The following PTPRN2 variants were observed in gnomAD, a reference collection of about 807,000 sequenced individuals.
The protein encoded by PTPRN2 is receptor-type tyrosine-protein phosphatase N2.
In PTPRN2, 74 loss-of-function variants were observed where a neutral mutation model predicts 118.8. The observed-to-expected ratio is 0.62, with a 90% CI of 0.52 to 0.76. The LOEUF is 0.76. Among genes scored for constraint, PTPRN2 ranks in the 30% least tolerant of loss-of-function variants. The probability of loss-of-function intolerance (pLI) is 0.00; values close to 1 mark genes in which losing one functional copy is unlikely to be tolerated. For synonymous variants in PTPRN2, 641 were observed against 608.0 expected, an observed-to-expected ratio of 1.05 and a Z score of -0.80; for missense variants, 1,481 against 1,394.4, an observed-to-expected ratio of 1.06 and a Z score of -0.99.
At chr7:158,263,957 C>G (rs1019711693) in intron 3 of PTPRN2, among the ~76,000 whole-genome samples, 7 of 152,234 alleles carry the variant, frequency 4.6e-5, no homozygotes, top group Non-Finnish European at 2.9e-5. Context: ...TGTGGGCCAG[C>G]TGACCAACTT....
chr7:158,215,902 T>C (rs1249182803), intron 3 of PTPRN2, among the ~76,000 whole-genome samples: 1 of 152,054 alleles, frequency 6.6e-6, no homozygotes, highest in African/African-American at 2.4e-5. Context: ...AAGAGAAATA[T>C]AAAAAAAGGA....
intron 12 of PTPRN2, among the ~76,000 whole-genome samples, chr7:157,718,886 G>T (rs1211586540): frequency 6.6e-6 from 1 of 152,146 alleles, no homozygotes; most frequent in Admixed American, 6.5e-5. Context: ...CCACCTTGTC[G>T]CTGTGGCCTC....
At chr7:158,162,875 C>A (rs1321391431) in intron 6 of PTPRN2, among the ~76,000 whole-genome samples, 1 of 152,216 alleles carries the variant, frequency 6.6e-6, no homozygotes, top group Non-Finnish European at 1.5e-5. Flanking sequence ...CTCCCACTCT[C>A]TGAAGACTAA....
intron 11 of PTPRN2, among the ~76,000 whole-genome samples, chr7:158,033,328 G>A (rs1807829032): frequency 6.6e-6 from 1 of 152,202 alleles, no homozygotes; most frequent in Non-Finnish European, 1.5e-5. Flanking sequence ...TGATTAGCTG[G>A]AATGATAAGT....
At chr7:157,592,126 G>T (rs1244111561) in intron 17 of PTPRN2, among the ~76,000 whole-genome samples, 1 of 152,140 alleles carries the variant, frequency 6.6e-6, no homozygotes, top group Non-Finnish European at 1.5e-5. Context: ...TTTAAAATTT[G>T]TCTCTACTTA....
intron 2 of PTPRN2, among the ~76,000 whole-genome samples, chr7:158,461,404 G>A (rs1360194507): frequency 6.6e-6 from 1 of 151,690 alleles, no homozygotes; most frequent in Non-Finnish European, 1.5e-5. Context: ...GCTGAGGCAG[G>A]AGAATGGCAT....
intron 11 of PTPRN2, among the ~76,000 whole-genome samples, chr7:158,048,580 A>T (rs1809052214): frequency 6.6e-6 from 1 of 150,794 alleles, no homozygotes; most frequent in African/African-American, 2.4e-5. Context: ...CATCATCATC[A>T]CTATCATCAT....
Position 157,977,941 on chromosome 7 carries a change from G to A in PTPRN2, c.1724-79204C>T, listed in dbSNP as rs940267413. Among the ~76,000 whole-genome samples, 5 of 151,824 alleles carry A rather than the reference G, an allele frequency of 3.3e-5. No individual in the cohort carries two copies. Among genetic ancestry groups the A allele is most frequent in the South Asian group, 2.1e-4 (1 of 4,820 alleles). On this transcript the variant is annotated intron_variant, in intron 11 of 22. Coordinates refer to ENST00000389418, the MANE Select transcript of PTPRN2 (RefSeq NM_002847.5). The surrounding 1 kb of genome is among the most constrained non-coding windows in gnomAD (Gnocchi z 4.6). ...CTGTGGGCCGGCAGGACTCACCGCC[G>A]CAGGCAGCAGGCTCAGGCACCTTTG...
rs371640959 is a variant in PTPRN2, at chr7:157,702,213, T to C, written c.1789-19276A>G. On this transcript the variant is annotated intron_variant, in intron 12 of 22. Coordinates refer to ENST00000389418, the MANE Select transcript of PTPRN2 (RefSeq NM_002847.5). ...CGGGTAGGTGCTGGTGTAACTGACG[T>C]GGGCTGTGCATTTATGAGAAAGCCT... Among the ~76,000 whole-genome samples, 100 of 139,524 alleles carry C rather than the reference T, an allele frequency of 7.2e-4. 1 individual carries two copies. Among genetic ancestry groups the C allele is most frequent in the Middle Eastern group, 4.5e-3 (1 of 222 alleles). 91.5% of individuals were successfully genotyped at this position (139,524 alleles called of 152,430 possible).
chr7:157,827,604 CAGGGAGTGGGCACTGCGTCCACA>C (rs1381498247), intron 12 of PTPRN2, among the ~76,000 whole-genome samples: 1 of 152,232 alleles, frequency 6.6e-6, no homozygotes, highest in East Asian at 1.9e-4. Flanking sequence ...CCCAGTGGCC[CAGGGAGTGGGCACTGCGTCCACA>C]AAGGACCCCT....
chr7:158,145,527 G>C (rs1379643606), intron 6 of PTPRN2, among the ~76,000 whole-genome samples: 7 of 152,244 alleles, frequency 4.6e-5, no homozygotes, highest in Admixed American at 3.3e-4. Flanking sequence ...GAGGCTCCAT[G>C]GTGGACCAGG....
intron 11 of PTPRN2, among the ~76,000 whole-genome samples, chr7:157,943,149 G>C (rs1001072882): frequency 6.6e-6 from 1 of 152,170 alleles, no homozygotes; most frequent in Non-Finnish European, 1.5e-5. Context: ...AGGAGTTCTC[G>C]AGACCCAAGA....
At chr7:158,059,832 A>C (rs34305314) in intron 11 of PTPRN2, among the ~76,000 whole-genome samples, 1,484 of 57,236 alleles carry the variant, frequency 0.026, 1 homozygote, top group South Asian at 0.034. Flanking sequence ...CTCCATCTGC[A>C]CACGGTGAGA....
Position 158,499,903 on chromosome 7 carries a change from A to G in PTPRN2, c.113-10118T>C, listed in dbSNP as rs574390571. ...ATGTGGGGAAAATCATACATCAACT[A>G]ATTTTTACAAATGTATTAGGTTCAG... On this transcript the variant is annotated intron_variant, in intron 1 of 22. Transcript: ENST00000389418. Among the ~76,000 whole-genome samples the G allele has an allele frequency of 4.8e-4, 73 of 151,856 alleles. 1 individual carries two copies. In the South Asian group the frequency reaches 0.015, roughly 31 times the overall value.
Position 157,780,375 on chromosome 7 carries a change from A to G in PTPRN2, c.1789-97438T>C, listed in dbSNP as rs1437289461. Among the ~76,000 whole-genome samples, 1 of 152,162 alleles carries G rather than the reference A, an allele frequency of 6.6e-6. No individual in the cohort carries two copies. The highest frequency in any genetic ancestry group is 2.4e-5 in the African/African-American group (1 of 41,436). On this transcript the variant is annotated intron_variant, in intron 12 of 22. Coordinates refer to ENST00000389418, the MANE Select transcript of PTPRN2 (RefSeq NM_002847.5). This position sits in a 1 kb window ranked among gnomAD's most constrained non-coding sequence, Gnocchi z 4.5. The stretch of plus-strand genomic sequence containing the variant: ...AGCATCCAGCCATATCTGTCAGTTT[A>G]TATAAGGGGTGGCGGCTGCTCAGCG...
At chr7:157,918,640 G>A (rs1409040958) in intron 11 of PTPRN2, among the ~76,000 whole-genome samples, 3 of 152,152 alleles carry the variant, frequency 2.0e-5, no homozygotes, top group Admixed American at 6.5e-5. Context: ...AAGGAGAGAA[G>A]GCGTCATGGC....
At chr7:158,355,618 C>T (rs548093555) in intron 2 of PTPRN2, among the ~76,000 whole-genome samples, 7 of 152,208 alleles carry the variant, frequency 4.6e-5, no homozygotes, top group Non-Finnish European at 1.0e-4. Context: ...TGGAGAAGCC[C>T]GCAGCAGTGC....
intron 3 of PTPRN2, among the ~76,000 whole-genome samples, chr7:158,292,127 T>G (rs1193657848): frequency 6.6e-6 from 1 of 152,228 alleles, no homozygotes; most frequent in Non-Finnish European, 1.5e-5. Context: ...TTCCTGCTTC[T>G]TTCAGAAATG....
Position 158,142,368 on chromosome 7 carries a change from C to T in PTPRN2, c.911-3853G>A, listed in dbSNP as rs919354328. On this transcript the variant is annotated intron_variant, in intron 6 of 22. Coordinates refer to ENST00000389418, the MANE Select transcript of PTPRN2 (RefSeq NM_002847.5). ...CCCTGCCTTGCCCTCGCCCAGCCTC[C>T]GGACTGACGCTGGCGCATCCCTGTA... is the stretch of plus-strand genomic sequence containing the variant. 7.2e-5 allele frequency among the ~76,000 whole-genome samples: 11 copies of T among 152,362 alleles called. No homozygotes were observed. In the East Asian group the frequency reaches 1.4e-3, roughly 19 times the overall value.
Sources: allele counts gnomAD v4.1 joint callset (sites outside exome capture counted in the v4.1 genomes callset), GRCh38; gene constraint gnomAD v4.1.1; non-coding constraint Gnocchi (gnomAD v3.1); transcripts MANE v1.5; gene names NCBI Gene and HGNC (gene_info 2026-07-23, HGNC 2026-07-21).